Variants in TBC1D16 observed in about 807,000 individuals in gnomAD.
TBC1D16 encodes TBC1 domain family member 16, also known as CTD-2529O21.1.
In TBC1D16, 58 loss-of-function variants were observed where a neutral mutation model predicts 74.7. The observed-to-expected ratio is 0.78, with a 90% CI of 0.63 to 0.97. The LOEUF (loss-of-function observed/expected upper bound fraction) is 0.97, where lower values mean the gene tolerates loss of function less well. Among genes scored for constraint, TBC1D16 ranks in the 50% least tolerant of loss-of-function variants. TBC1D16 has a pLI of 0.00. For missense variants in TBC1D16, 1,014 were observed against 1,079.5 expected (o/e 0.94, Z 0.85); for synonymous variants, 493 against 474.7 (o/e 1.04, Z -0.50).
rs1023543701 is a variant in TBC1D16 at position 79,971,882 on chromosome 17, T to TGGGGGTC, written c.780-19071_780-19065dup. ...GAGCAGGTGGCATGGGGGCTGGCTGTGGGGGTCTTTGTGGGGAAGAAAGAG... is the reference window on the plus strand; with the variant it reads ...GAGCAGGTGGCATGGGGGCTGGCTGTGGGGGTCGGGGGTCTTTGTGGGGAAGAAAGAG... On this transcript the variant is annotated intron_variant, in intron 3 of 11. Coordinates refer to ENST00000310924, the MANE Select transcript of TBC1D16 (RefSeq NM_019020.4). This position sits in a 1 kb window ranked among gnomAD's most constrained non-coding sequence, Gnocchi z 4.6. Among the ~76,000 whole-genome samples, 3 of 151,550 alleles carry TGGGGGTC rather than the reference T, an allele frequency of 2.0e-5. No individual in the cohort carries two copies. The highest frequency in any genetic ancestry group is 7.3e-5 in the African/African-American group (3 of 41,202).
intron 1 of TBC1D16, among the ~76,000 whole-genome samples, chr17:80,032,802 C>T (rs2036819492): frequency 1.3e-5 from 2 of 152,208 alleles, no homozygotes; most frequent in Non-Finnish European, 2.9e-5. Context: ...ATCCCAGAGC[C>T]ACCCGCCCCC....
In TBC1D16 at chr17:79,981,175, T is replaced by TA. The variant is rs144826207; in HGVS notation, c.780-28358dup. Among the ~76,000 whole-genome samples the TA allele has an allele frequency of 0.011, 1,606 of 152,280 alleles. 26 individuals are homozygous for TA. The highest frequency in any genetic ancestry group is 0.037 in the African/African-American group (1,527 of 41,552). The stretch of plus-strand genomic sequence containing the variant: ...AGGCATCGTTTCCTCGCTCCCTCCT[T>TA]AATCTCCACTCGGCTTTTCCCATCC... On this transcript the variant is annotated intron_variant, in intron 3 of 11. Coordinates refer to ENST00000310924, the MANE Select transcript of TBC1D16 (RefSeq NM_019020.4). This position sits in a 1 kb window ranked among gnomAD's most constrained non-coding sequence, Gnocchi z 6.9.
intron 3 of TBC1D16, among the ~76,000 whole-genome samples, chr17:79,955,494 C>A (rs529865907): frequency 6.6e-6 from 1 of 152,228 alleles, no homozygotes; most frequent in East Asian, 1.9e-4. Context: ...ACAGGGAAAA[C>A]GAAATATGTA....
intron 3 of TBC1D16, 188 bp from the exon 4 acceptor site, chr17:79,953,006 C>T: frequency 1.9e-6 from 1 of 515,380 alleles, no homozygotes; most frequent in East Asian, 3.3e-5. Flanking sequence ...CACAGTTCTA[C>T]TTCCACTTGG....
Position 79,975,703 on chromosome 17 carries a change from G to A in TBC1D16, c.780-22885C>T, listed in dbSNP as rs760039316. 3.3e-5 allele frequency among the ~76,000 whole-genome samples: 5 copies of A among 152,112 alleles called. No homozygotes were observed. Among genetic ancestry groups the A allele is most frequent in the African/African-American group, 4.8e-5 (2 of 41,430 alleles). ...TTTGCAACCAACTGTGCACAGCTTCGGGACCCCCAGCCAGCCCAAACCTGT... is the reference window on the plus strand; with the variant it reads ...TTTGCAACCAACTGTGCACAGCTTCAGGACCCCCAGCCAGCCCAAACCTGT... On this transcript the variant is annotated intron_variant, in intron 3 of 11. Coordinates refer to ENST00000310924, the MANE Select transcript of TBC1D16 (RefSeq NM_019020.4). This position sits in a 1 kb window ranked among gnomAD's most constrained non-coding sequence, Gnocchi z 4.5.
rs1162135713 is a variant in TBC1D16 at position 79,936,529 on chromosome 17, TGAA to T, written c.*4327_*4329del. ...ATGTTACAGGTGAGGAAACTGAGGC[TGAA>T]GGAGGCAGAAGGCCACATACCCGGG... On this transcript the variant is annotated 3_prime_UTR_variant, in exon 12 of 12. Transcript: ENST00000310924. 3 of 152,312 alleles carry T rather than the reference TGAA, an allele frequency of 2.0e-5. No individual in the cohort carries two copies. Among genetic ancestry groups the T allele is most frequent in the African/African-American group, 7.2e-5 (3 of 41,408 alleles). 9.4% of individuals were successfully genotyped at this position (152,312 alleles called of 1,614,324 possible). A position where few individuals can be genotyped will look rare whatever the true frequency, so the allele number is the denominator to read the frequency against.
chr17:80,003,030 G>A lies in TBC1D16; in HGVS notation c.779+7130C>T, dbSNP rs79549847. Among the ~76,000 whole-genome samples the A allele has an allele frequency of 4.5e-3, 684 of 152,352 alleles. 8 individuals carry two copies. The highest frequency in any genetic ancestry group is 0.016 in the African/African-American group (650 of 41,592). Reference sequence around the variant, plus strand: ...GGTGGGCTGGGGATTCAGCAGGAGAGAGGAGAACATTCCAGCTGCGGGCAG... The same window carrying A: ...GGTGGGCTGGGGATTCAGCAGGAGAAAGGAGAACATTCCAGCTGCGGGCAG... On this transcript the variant is annotated intron_variant, in intron 3 of 11. Coordinates refer to ENST00000310924, the MANE Select transcript of TBC1D16 (RefSeq NM_019020.4).
At chr17:79,973,069 G>A (rs752101925) in intron 3 of TBC1D16, among the ~76,000 whole-genome samples, 30 of 152,270 alleles carry the variant, frequency 2.0e-4, no homozygotes, top group Admixed American at 5.2e-4. Context: ...GCAACAGAGC[G>A]AGACTTCGTC....
At chr17:79,942,555 C>T (rs919615445) in intron 10 of TBC1D16, among the ~76,000 whole-genome samples, 9 of 151,896 alleles carry the variant, frequency 5.9e-5, no homozygotes, top group African/African-American at 2.2e-4. Flanking sequence ...GAGCACCCTT[C>T]CTCAGAAGGC....
At chr17:79,942,910 G>T (rs765167641) in intron 10 of TBC1D16, among the ~76,000 whole-genome samples, 1 of 151,890 alleles carries the variant, frequency 6.6e-6, no homozygotes, top group Non-Finnish European at 1.5e-5. Flanking sequence ...TGCCAGCAAC[G>T]CGCTGTGTGC....
In TBC1D16 at chr17:79,932,675, A is replaced by G. The variant is rs747858126; in HGVS notation, c.*8184T>C. On this transcript the variant is annotated 3_prime_UTR_variant, in exon 12 of 12. Coordinates refer to ENST00000310924, the MANE Select transcript of TBC1D16 (RefSeq NM_019020.4). ...CCAGGAATCAACGAACTTTGGACAGACAATCAGTAGACTTTGGGTGTGGCC... is the reference window on the plus strand; with the variant it reads ...CCAGGAATCAACGAACTTTGGACAGGCAATCAGTAGACTTTGGGTGTGGCC... 6.6e-5 allele frequency: 10 copies of G among 152,338 alleles called. No individual in the cohort carries two copies. The highest frequency in any genetic ancestry group is 1.3e-4 in the Non-Finnish European group (9 of 68,028). The allele number at this position is 152,338 out of a possible 1,614,324, so 9.4% of individuals were successfully genotyped here. A position where few individuals can be genotyped will look rare whatever the true frequency, so the allele number is the denominator to read the frequency against.
At chr17:79,998,182 T>TGCG (rs1336145478) in intron 3 of TBC1D16, among the ~76,000 whole-genome samples, 4 of 151,198 alleles carry the variant, frequency 2.6e-5, no homozygotes, top group African/African-American at 9.7e-5. Flanking sequence ...ATAGTGTCGC[T>TGCG]GCCTTTGGAA....
Position 79,971,667 on chromosome 17 carries a change from A to G in TBC1D16, c.780-18849T>C, listed in dbSNP as rs186604558. ...AAAGTAGAGTCAATCACTCTTCTCTACAACAGTCAACTTCTCTCAAGGAAG... is the reference window on the plus strand; with the variant it reads ...AAAGTAGAGTCAATCACTCTTCTCTGCAACAGTCAACTTCTCTCAAGGAAG... On this transcript the variant is annotated intron_variant, in intron 3 of 11. Coordinates refer to ENST00000310924, the MANE Select transcript of TBC1D16 (RefSeq NM_019020.4). The surrounding 1 kb of genome is among the most constrained non-coding windows in gnomAD (Gnocchi z 4.6). Among the ~76,000 whole-genome samples the G allele has an allele frequency of 3.9e-5, 6 of 152,308 alleles. No individual in the cohort carries two copies. Among genetic ancestry groups the G allele is most frequent in the Non-Finnish European group, 7.3e-5 (5 of 68,034 alleles).
chr17:80,010,409 G>A lies in TBC1D16; in HGVS notation c.530C>T (p.Ser177Leu), dbSNP rs201402527. The A allele has an allele frequency of 1.5e-5, 24 of 1,611,394 alleles. No homozygotes were observed. The highest frequency in any genetic ancestry group is 3.3e-4 in the Middle Eastern group (2 of 6,056). ...GLGVDGAQPA[S>L]QPACSPSGIL... ...CCCGGAGGGGCTGCAAGCAGGCTGC[G>A]AGGCTGGCTGGGCACCATCCACCCC... The change falls in exon 3 of 12, where the codon TCG becomes TTG. Residue 177 changes from serine (S) to leucine (L), a missense_variant. Transcript: ENST00000310924. The surrounding 1 kb of genome is among the most constrained non-coding windows in gnomAD (Gnocchi z 8.8).
chr17:79,933,419 C>T lies in TBC1D16; in HGVS notation c.*7440G>A, dbSNP rs1276206414. The T allele has an allele frequency of 1.3e-5, 2 of 152,138 alleles. No individual in the cohort carries two copies. The highest frequency in any genetic ancestry group is 2.9e-5 in the Non-Finnish European group (2 of 68,026). The allele number at this position is 152,138 out of a possible 1,614,324, so 9.4% of individuals were successfully genotyped here. ...CCTTGAGTTTGGACAAAGGGTGTCC[C>T]GACGACGATAAAGAGCCAGGAGCAG... On this transcript the variant is annotated 3_prime_UTR_variant, in exon 12 of 12. Coordinates refer to ENST00000310924, the MANE Select transcript of TBC1D16 (RefSeq NM_019020.4).
rs940459519 is a variant in TBC1D16 at position 79,935,184 on chromosome 17, C to T, written c.*5675G>A. On this transcript the variant is annotated 3_prime_UTR_variant, in exon 12 of 12. Transcript: ENST00000310924. ...ATAAAATACTGTTTGTGTTTCCAGG[C>T]ACTGGGGTGGGAGCGAGGCTCCCAG... The T allele has an allele frequency of 6.6e-6, 1 of 152,306 alleles. No individual in the cohort carries two copies. Among genetic ancestry groups the T allele is most frequent in the Non-Finnish European group, 1.5e-5 (1 of 68,082 alleles). 9.4% of individuals were successfully genotyped at this position (152,306 alleles called of 1,614,324 possible).
intron 3 of TBC1D16, among the ~76,000 whole-genome samples, chr17:79,991,345 CAG>C (rs1227769125): frequency 1.3e-5 from 2 of 151,648 alleles, no homozygotes; most frequent in Admixed American, 6.6e-5. Context: ...CGTGTAGTCT[CAG>C]GGGAGGCTGA....
intron 8 of TBC1D16, among the ~76,000 whole-genome samples, chr17:79,948,307 C>T (rs937508306): frequency 3.2e-4 from 25 of 78,426 alleles, no homozygotes; most frequent in East Asian, 1.3e-3. Flanking sequence ...AGCGAGACTC[C>T]GTCTCAAAAA....
chr17:79,995,997 G>C (rs1043406265), intron 3 of TBC1D16, among the ~76,000 whole-genome samples: 4 of 152,128 alleles, frequency 2.6e-5, no homozygotes, highest in African/African-American at 9.7e-5. Context: ...ATCTAGCAAA[G>C]GACTAGTTTC....
Sources: allele counts gnomAD v4.1 joint callset (sites outside exome capture counted in the v4.1 genomes callset), GRCh38; gene constraint gnomAD v4.1.1; non-coding constraint Gnocchi (gnomAD v3.1); transcripts MANE v1.5; gene names NCBI Gene and HGNC (gene_info 2026-07-23, HGNC 2026-07-21).